The following SIM2 variants were observed in gnomAD, a reference collection of about 807,000 sequenced individuals.
SIM2 encodes single-minded homolog 2.
A neutral mutation model predicts 64.8 loss-of-function variants in SIM2; 28 were observed. That is an observed-to-expected ratio of 0.43 (90% CI 0.32 to 0.59). The LOEUF (loss-of-function observed/expected upper bound fraction) is 0.59, where lower values mean the gene tolerates loss of function less well. Among genes scored for constraint, SIM2 ranks in the 20% least tolerant of loss-of-function variants. The probability of loss-of-function intolerance (pLI) is 0.07; values close to 1 mark genes in which losing one functional copy is unlikely to be tolerated. For missense variants in SIM2, 847 were observed against 871.4 expected, an observed-to-expected ratio of 0.97 and a Z score of 0.35; for synonymous variants, 408 against 391.1, an observed-to-expected ratio of 1.04 and a Z score of -0.51.
chr21:36,745,313 C>G lies in SIM2; in HGVS notation c.1576+177C>G. The G allele has an allele frequency of 2.8e-6, 4 of 1,446,090 alleles. No homozygotes were observed. Among genetic ancestry groups the G allele is most frequent in the Non-Finnish European group, 3.7e-6 (4 of 1,095,586 alleles). The allele number at this position is 1,446,090 out of a possible 1,614,324, so 89.6% of individuals were successfully genotyped here. Reference sequence around the variant, plus strand: ...TCTTGCTCTCAATGCAGGTGCTCCTCGAGAGTGAGAAATGGCAGTCTGCCT... The same window carrying G: ...TCTTGCTCTCAATGCAGGTGCTCCTGGAGAGTGAGAAATGGCAGTCTGCCT... On this transcript the variant is annotated intron_variant, in intron 10 of 10. Coordinates refer to ENST00000290399, the MANE Select transcript of SIM2 (RefSeq NM_005069.6). The surrounding 1 kb of genome is among the most constrained non-coding windows in gnomAD (Gnocchi z 4.8).
chr21:36,747,844 C>A lies in SIM2; in HGVS notation c.1756C>A (p.Pro586Thr). 9.6e-7 allele frequency: 1 copy of A among 1,038,080 alleles called. No individual in the cohort carries two copies. Among genetic ancestry groups the A allele is most frequent in the South Asian group, 3.1e-5 (1 of 32,420 alleles). The allele number at this position is 1,038,080 out of a possible 1,614,324, so 64.3% of individuals were successfully genotyped here. The change falls in exon 11 of 11, where the codon CCC becomes ACC. Residue 586 changes from proline (P) to threonine (T), a missense_variant. This residue lies in a region of SIM2 where 447 missense variants were observed against 414.6 expected (regional missense o/e 1.08). Transcript: ENST00000290399. This position sits in a 1 kb window ranked among gnomAD's most constrained non-coding sequence, Gnocchi z 4.5. The stretch of plus-strand genomic sequence containing the variant: ...ACCCGAGTGCTGCGCGCCCCCGACC[C>A]CCGAGGCCCCGGGCGCGCCGGCGCA... ...AAPECCAPPTPEAPGAPAQLP... is the reference protein window; with the variant it reads ...AAPECCAPPTTEAPGAPAQLP...
At position 36,747,913 on chromosome 21, in the gene SIM2, C is replaced by T. The variant is rs1265234648; in HGVS notation, c.1825C>T (p.Arg609Cys). 3 of 1,056,176 alleles carry T rather than the reference C, an allele frequency of 2.8e-6. No homozygotes were observed. The highest frequency in any genetic ancestry group is 2.3e-6 in the Non-Finnish European group (2 of 870,600). 65.4% of individuals were successfully genotyped at this position (1,056,176 alleles called of 1,614,324 possible). A position where few individuals can be genotyped will look rare whatever the true frequency, so the allele number is the denominator to read the frequency against. ...CAACTACCACCGCGTGCTGGCCCGGCGCGGACCGCTGGGGGGCGCCGCACC... is the reference window on the plus strand; with the variant it reads ...CAACTACCACCGCGTGCTGGCCCGGTGCGGACCGCTGGGGGGCGCCGCACC... ...LLNYHRVLARRGPLGGAAPAA... is the reference protein window; with the variant it reads ...LLNYHRVLARCGPLGGAAPAA... The change falls in exon 11 of 11, where the codon CGC becomes TGC. Residue 609 changes from arginine (R) to cysteine (C), a missense_variant. By Grantham distance (180) the Arg-to-Cys change is radical. Coordinates refer to ENST00000290399, the MANE Select transcript of SIM2 (RefSeq NM_005069.6). This position sits in a 1 kb window ranked among gnomAD's most constrained non-coding sequence, Gnocchi z 4.5.
intron 1 of SIM2, among the ~76,000 whole-genome samples, chr21:36,707,032 G>T (rs1188125719): frequency 6.6e-6 from 1 of 152,184 alleles, no homozygotes; most frequent in Non-Finnish European, 1.5e-5. Context: ...CATTTCCGTA[G>T]GTGCAGATTT....
chr21:36,733,360 G>A (rs375869221), intron 7 of SIM2, among the ~76,000 whole-genome samples: 2 of 152,000 alleles, frequency 1.3e-5, no homozygotes, highest in South Asian at 2.1e-4. Context: ...AAGTAGCTGG[G>A]ATTACAGGTG....
Position 36,745,973 on chromosome 21 carries a change from T to C in SIM2, c.1576+837T>C. 8.3e-7 allele frequency: 1 copy of C among 1,200,144 alleles called. No homozygotes were observed. The highest frequency in any genetic ancestry group is 1.1e-6 in the Non-Finnish European group (1 of 935,184). 74.3% of individuals were successfully genotyped at this position (1,200,144 alleles called of 1,614,324 possible). On this transcript the variant is annotated intron_variant, in intron 10 of 10. Coordinates refer to ENST00000290399, the MANE Select transcript of SIM2 (RefSeq NM_005069.6). The surrounding 1 kb of genome is among the most constrained non-coding windows in gnomAD (Gnocchi z 4.8). The stretch of plus-strand genomic sequence containing the variant: ...CCGCTCAGAGTGTAGACCGAGATGG[T>C]GCAGATGCCTGCAGTGCCACTAAAA...
chr21:36,741,395 T>C (rs1301087498), intron 7 of SIM2, among the ~76,000 whole-genome samples: 1 of 152,256 alleles, frequency 6.6e-6, no homozygotes, highest in African/African-American at 2.4e-5. Flanking sequence ...AAAAAGCAGA[T>C]TGAATTTTTT....
intron 1 of SIM2, among the ~76,000 whole-genome samples, chr21:36,707,586 GT>G (rs1024093257): frequency 1.1e-4 from 17 of 151,764 alleles, no homozygotes; most frequent in Admixed American, 7.2e-4. Context: ...AGGAATAGTG[GT>G]TTTTTTTAAC....
intron 9 of SIM2, among the ~76,000 whole-genome samples, chr21:36,743,971 G>A (rs74388934): frequency 0.034 from 5,203 of 152,306 alleles, 168 homozygotes; most frequent in East Asian, 0.16. Context: ...ATTGTCGGTT[G>A]GGCGTGGTGG....
intron 7 of SIM2, among the ~76,000 whole-genome samples, chr21:36,734,860 AC>A (rs947429387): frequency 6.6e-6 from 1 of 151,940 alleles, no homozygotes; most frequent in Admixed American, 6.5e-5. Context: ...AGAGGGGCCA[AC>A]CCCAGGCCTC....
In SIM2 at chr21:36,747,914, G is replaced by T; in HGVS notation, c.1826G>T (p.Arg609Leu). ...AACTACCACCGCGTGCTGGCCCGGC[G>T]CGGACCGCTGGGGGGCGCCGCACCC... is the stretch of plus-strand genomic sequence containing the variant. ...LLNYHRVLAR[R>L]GPLGGAAPAA... The change falls in exon 11 of 11, where the codon CGC becomes CTC. Residue 609 changes from arginine (R) to leucine (L), a missense_variant. This residue lies in a region of SIM2 where 447 missense variants were observed against 414.6 expected (regional missense o/e 1.08). Coordinates refer to ENST00000290399, the MANE Select transcript of SIM2 (RefSeq NM_005069.6). This position sits in a 1 kb window ranked among gnomAD's most constrained non-coding sequence, Gnocchi z 4.5. The T allele has an allele frequency of 9.5e-7, 1 of 1,055,728 alleles. No homozygotes were observed. The highest frequency in any genetic ancestry group is 1.1e-6 in the Non-Finnish European group (1 of 870,380). The allele number at this position is 1,055,728 out of a possible 1,614,324, so 65.4% of individuals were successfully genotyped here. A position where few individuals can be genotyped will look rare whatever the true frequency, so the allele number is the denominator to read the frequency against.
chr21:36,707,164 A>G (rs1009102654), intron 1 of SIM2, among the ~76,000 whole-genome samples: 3 of 152,252 alleles, frequency 2.0e-5, no homozygotes, highest in African/African-American at 7.2e-5. Flanking sequence ...GGAACGACCC[A>G]GCAGCAGAGA....
At chr21:36,700,090 G>C (rs1394556017) in intron 1 of SIM2, among the ~76,000 whole-genome samples, 169 bp downstream of exon 1, 2 of 152,188 alleles carry the variant, frequency 1.3e-5, no homozygotes, top group African/African-American at 2.4e-5. Flanking sequence ...GGCTTGGGGC[G>C]AGGGGCCAGG....
At chr21:36,716,973 T>C (rs992454955) in intron 3 of SIM2, among the ~76,000 whole-genome samples, 4 of 152,322 alleles carry the variant, frequency 2.6e-5, no homozygotes, top group African/African-American at 4.8e-5. Flanking sequence ...AGGTCAGGAC[T>C]GTTTTATCAT....
chr21:36,700,318 C>T (rs903589105), intron 1 of SIM2, among the ~76,000 whole-genome samples: 4 of 132,522 alleles, frequency 3.0e-5, no homozygotes, highest in African/African-American at 1.7e-4. Context: ...CTTTCTTTCT[C>T]TTTCTTTTTC....
At chr21:36,735,726 C>T (rs144315501) in intron 7 of SIM2, among the ~76,000 whole-genome samples, 1 of 152,346 alleles carries the variant, frequency 6.6e-6, no homozygotes, top group Non-Finnish European at 1.5e-5. Context: ...CAATTCAGCC[C>T]TCAACTAGGT....
At chr21:36,719,033 G>A (rs2088783314) in intron 3 of SIM2, among the ~76,000 whole-genome samples, 1 of 152,228 alleles carries the variant, frequency 6.6e-6, no homozygotes, top group East Asian at 1.9e-4. Flanking sequence ...GCTGTCCTCT[G>A]TGGGCTGTGT....
intron 2 of SIM2, chr21:36,710,659 A>G (rs2088662400): frequency 6.6e-6 from 1 of 152,216 alleles, no homozygotes; most frequent in South Asian, 2.1e-4. Context: ...GTCAGCCGCT[A>G]GCTCTGCATT....
At chr21:36,735,222 G>GGCTTACCCCAACAT (rs2089026780) in intron 7 of SIM2, among the ~76,000 whole-genome samples, 1 of 152,170 alleles carries the variant, frequency 6.6e-6, no homozygotes, top group Non-Finnish European at 1.5e-5. Flanking sequence ...TGGTCAGGGT[G>GGCTTACCCCAACAT]GGCCCTGCCA....
At chr21:36,746,063 C>A (rs2089224168) in intron 10 of SIM2, 8 of 1,028,022 alleles carry the variant, frequency 7.8e-6, no homozygotes, top group Non-Finnish European at 9.7e-6. Context: ...CACCTGTAAT[C>A]CCAGCACTTT....
Sources: allele counts gnomAD v4.1 joint callset (sites outside exome capture counted in the v4.1 genomes callset), GRCh38; gene constraint gnomAD v4.1.1; regional missense constraint gnomAD v4.1.1; non-coding constraint Gnocchi (gnomAD v3.1); transcripts MANE v1.5; gene names NCBI Gene and HGNC (gene_info 2026-07-23, HGNC 2026-07-21).